SPOCK3: variants seen among roughly 807,000 people sequenced by gnomAD.
SPOCK3 encodes the protein SPARC (osteonectin), cwcv and kazal like domains proteoglycan 3.
A neutral mutation model predicts 56.6 loss-of-function variants in SPOCK3; 30 were observed. That is an observed-to-expected ratio of 0.53 (90% CI 0.40 to 0.72). The LOEUF (loss-of-function observed/expected upper bound fraction) is 0.72, where lower values mean the gene tolerates loss of function less well. Among genes scored for constraint, SPOCK3 ranks in the 30% least tolerant of loss-of-function variants. SPOCK3 has a pLI of 0.00. For missense variants in SPOCK3, 527 were observed against 530.0 expected (o/e 0.99, Z 0.06); for synonymous variants, 196 against 183.3 (o/e 1.07, Z -0.56).
intron 2 of SPOCK3, among the ~76,000 whole-genome samples, chr4:167,223,428 G>C (rs1736271030): frequency 6.7e-6 from 1 of 149,504 alleles, no homozygotes; most frequent in Non-Finnish European, 1.5e-5. Flanking sequence ...TATTAAAGTG[G>C]GATAATATAT....
At chr4:166,941,253 T>A (rs766746714) in intron 4 of SPOCK3, among the ~76,000 whole-genome samples, 3 of 152,132 alleles carry the variant, frequency 2.0e-5, no homozygotes, top group Non-Finnish European at 4.4e-5. Flanking sequence ...ACTTAGAATC[T>A]GTGGACAAGA....
At chr4:166,857,007 C>T (rs757764370) in intron 6 of SPOCK3, among the ~76,000 whole-genome samples, 170 of 152,094 alleles carry the variant, frequency 1.1e-3, no homozygotes, top group Admixed American at 1.8e-3. Flanking sequence ...ATCTGCTGCA[C>T]TAACCAAATA....
chr4:166,841,443 GA>G (rs1276840493), intron 6 of SPOCK3, among the ~76,000 whole-genome samples: 6 of 151,824 alleles, frequency 4.0e-5, no homozygotes, highest in South Asian at 2.1e-4. Context: ...CTTAAAGTAA[GA>G]AAAAAAGATT....
intron 7 of SPOCK3, among the ~76,000 whole-genome samples, chr4:166,789,478 C>T (rs1192026895): frequency 2.0e-5 from 3 of 151,992 alleles, no homozygotes; most frequent in Admixed American, 6.6e-5. Context: ...AACACCCCAA[C>T]ATTTGCTCAC....
At chr4:166,836,515 C>T (rs1262197664) in intron 6 of SPOCK3, among the ~76,000 whole-genome samples, 1 of 152,150 alleles carries the variant, frequency 6.6e-6, no homozygotes, top group East Asian at 1.9e-4. Context: ...GTTGAATCTA[C>T]TGACATATTT....
intron 6 of SPOCK3, among the ~76,000 whole-genome samples, chr4:166,804,403 G>T (rs1276523286): frequency 2.0e-5 from 3 of 151,958 alleles, no homozygotes; most frequent in Non-Finnish European, 2.9e-5. Context: ...ACCTCCTAAA[G>T]GTCCTATCAC....
At chr4:166,765,030 T>C (rs1737804202) in intron 7 of SPOCK3, among the ~76,000 whole-genome samples, 1 of 152,080 alleles carries the variant, frequency 6.6e-6, no homozygotes, top group South Asian at 2.1e-4. Context: ...CACTTTTCGA[T>C]GGGTTCTTTG....
chr4:167,233,332 C>A (rs1737377916), intron 2 of SPOCK3, among the ~76,000 whole-genome samples: 1 of 152,168 alleles, frequency 6.6e-6, no homozygotes, highest in Non-Finnish European at 1.5e-5. Context: ...GCAATCCTCC[C>A]GCCCTCGCAA....
At chr4:167,129,988 C>T (rs990214309) in intron 2 of SPOCK3, among the ~76,000 whole-genome samples, 2 of 152,032 alleles carry the variant, frequency 1.3e-5, no homozygotes, top group Non-Finnish European at 2.9e-5. Context: ...AAACATATTT[C>T]CAATTATGTT....
In SPOCK3 at chr4:167,107,420, C is replaced by CA. The variant is rs1242644129; in HGVS notation, c.190-44884dup. 8.6e-5 allele frequency among the ~76,000 whole-genome samples: 13 copies of CA among 151,450 alleles called. No individual in the cohort carries two copies. In the East Asian group the frequency reaches 1.7e-3, roughly 20 times the overall value. On this transcript the variant is annotated intron_variant, in intron 2 of 10. Coordinates refer to ENST00000357545, the MANE Select transcript of SPOCK3 (RefSeq NM_001040159.2). ...ACCATATGATCATTTCAATTGTTGC[C>CA]AAAAAAAGCATTTCATAAAATCTGA...
At chr4:166,986,062 T>G (rs1747125273) in intron 4 of SPOCK3, among the ~76,000 whole-genome samples, 2 of 152,184 alleles carry the variant, frequency 1.3e-5, no homozygotes, top group Non-Finnish European at 2.9e-5. Flanking sequence ...TTTCCAAATC[T>G]ACAATACTAT....
intron 2 of SPOCK3, among the ~76,000 whole-genome samples, chr4:167,214,674 G>C (rs1735195485): frequency 6.6e-6 from 1 of 152,052 alleles, no homozygotes; most frequent in South Asian, 2.1e-4. Context: ...TTTACACACA[G>C]AGAATGAATC....
At chr4:167,044,809 T>C (rs1213488709) in intron 3 of SPOCK3, among the ~76,000 whole-genome samples, 2 of 152,132 alleles carry the variant, frequency 1.3e-5, no homozygotes, top group Non-Finnish European at 2.9e-5. Context: ...CTTTAATTTG[T>C]CCAGGTGTGT....
At chr4:167,057,190 T>C (rs1365855003) in intron 3 of SPOCK3, among the ~76,000 whole-genome samples, 2 of 152,082 alleles carry the variant, frequency 1.3e-5, no homozygotes, top group Non-Finnish European at 2.9e-5. Flanking sequence ...CAAACTAAGC[T>C]TCATAAGTGA....
At position 167,083,312 on chromosome 4, in the gene SPOCK3, A is replaced by T. The variant is rs1038940165; in HGVS notation, c.190-20775T>A. 3.9e-6 allele frequency: 3 copies of T among 764,460 alleles called. No individual in the cohort carries two copies. The African/African-American group carries it at 5.1e-5, about 13-fold the overall frequency. 47.4% of individuals were successfully genotyped at this position (764,460 alleles called of 1,614,324 possible). Reference sequence around the variant, plus strand: ...CTGTGTCAGGTTGTCATCTGCTCCTACTGAGATGCCCCACAGTTCCCCACC... The same window carrying T: ...CTGTGTCAGGTTGTCATCTGCTCCTTCTGAGATGCCCCACAGTTCCCCACC... On this transcript the variant is annotated intron_variant, in intron 2 of 10. Transcript: ENST00000357545.
chr4:167,008,186 C>T (rs1005333084), intron 3 of SPOCK3, among the ~76,000 whole-genome samples: 1 of 151,740 alleles, frequency 6.6e-6, no homozygotes, highest in Non-Finnish European at 1.5e-5. Flanking sequence ...TTTTTATATA[C>T]AGAGTTGAAG....
At chr4:167,229,787 G>A (rs981566834) in intron 2 of SPOCK3, among the ~76,000 whole-genome samples, 1 of 151,982 alleles carries the variant, frequency 6.6e-6, no homozygotes, top group Non-Finnish European at 1.5e-5. Flanking sequence ...GGTTAAATCT[G>A]TAAAGTTAAA....
At chr4:167,130,255 T>C (rs1011395239) in intron 2 of SPOCK3, among the ~76,000 whole-genome samples, 1 of 152,158 alleles carries the variant, frequency 6.6e-6, no homozygotes, top group South Asian at 2.1e-4. Context: ...CTTGAGCCAC[T>C]GTACCCAGGC....
intron 3 of SPOCK3, among the ~76,000 whole-genome samples, chr4:167,003,531 C>G (rs1426801086): frequency 6.6e-6 from 1 of 152,188 alleles, no homozygotes; most frequent in Non-Finnish European, 1.5e-5. Context: ...GGATTAGAAT[C>G]AATCCTCTGC....
Sources: allele counts gnomAD v4.1 joint callset (sites outside exome capture counted in the v4.1 genomes callset), GRCh38; gene constraint gnomAD v4.1.1; transcripts MANE v1.5; gene names NCBI Gene and HGNC (gene_info 2026-07-23, HGNC 2026-07-21).